The following BRIP1 variants were observed in gnomAD, a reference collection of about 807,000 sequenced individuals.
BRIP1 encodes Fanconi anemia group J protein.
In BRIP1, 88 loss-of-function variants were observed where a neutral mutation model predicts 119.7. The observed-to-expected ratio is 0.74, with a 90% CI of 0.62 to 0.88. The LOEUF is 0.88. BRIP1 is among the 40% of genes least tolerant of loss of function. BRIP1 has a pLI of 0.00. For missense variants in BRIP1, 1,259 were observed against 1,455.4 expected (o/e 0.87, Z 2.20); for synonymous variants, 443 against 496.5 (o/e 0.89, Z 1.43).
At chr17:61,716,213 AAT>A (rs1297684649) in intron 16 of BRIP1, 150 bp from the exon 17 acceptor site, 2 of 565,050 alleles carry the variant, frequency 3.5e-6, no homozygotes, top group African/African-American at 1.9e-5. Flanking sequence ...TTTCATTTAA[AAT>A]AGTTTTATTT....
rs1284440699 is a variant in BRIP1, at chr17:61,857,500, C to T, written c.206-269G>A. The stretch of plus-strand genomic sequence containing the variant: ...GCACTTTGGGAGGCCGAGGCAGGCA[C>T]ATCAATTGAAGTCAGGAGTTTGAGA... On this transcript the variant is annotated intron_variant, in intron 3 of 19. Coordinates refer to ENST00000259008, the MANE Select transcript of BRIP1 (RefSeq NM_032043.3). This position sits in a 1 kb window ranked among gnomAD's most constrained non-coding sequence, Gnocchi z 5.1. 6.6e-6 allele frequency among the ~76,000 whole-genome samples: 1 copy of T among 152,046 alleles called. No homozygotes were observed. Among genetic ancestry groups the T allele is most frequent in the African/African-American group, 2.4e-5 (1 of 41,390 alleles).
At chr17:61,783,600 T>G (rs1270208002) in intron 11 of BRIP1, among the ~76,000 whole-genome samples, 1 of 151,918 alleles carries the variant, frequency 6.6e-6, no homozygotes, top group East Asian at 1.9e-4. Flanking sequence ...CAGAACTAGG[T>G]ACTACTATAA....
At position 61,804,281 on chromosome 17, in the gene BRIP1, T is replaced by G. The variant is rs187844926; in HGVS notation, c.919-2807A>C. Among the ~76,000 whole-genome samples, 1,484 of 152,322 alleles carry G rather than the reference T, an allele frequency of 9.7e-3. 17 individuals are homozygous for G. The highest frequency in any genetic ancestry group is 0.032 in the African/African-American group (1,336 of 41,580). On this transcript the variant is annotated intron_variant, in intron 7 of 19. Transcript: ENST00000259008. This position sits in a 1 kb window ranked among gnomAD's most constrained non-coding sequence, Gnocchi z 4.5. The stretch of plus-strand genomic sequence containing the variant: ...ACTTTTATTTTAATTAATTCTACTA[T>G]TTATTTTAAAACGATTTTGAAATAA...
Position 61,770,169 on chromosome 17 carries a change from G to A in BRIP1, c.2097+6232C>T, listed in dbSNP as rs1036563972. On this transcript the variant is annotated intron_variant, in intron 14 of 19. Coordinates refer to ENST00000259008, the MANE Select transcript of BRIP1 (RefSeq NM_032043.3). This position sits in a 1 kb window ranked among gnomAD's most constrained non-coding sequence, Gnocchi z 4.7. ...TCTAATCTTATGATATGAATGAAGA[G>A]CTCAGAAACACTTGTGAAGGTCACA... 9.2e-5 allele frequency among the ~76,000 whole-genome samples: 14 copies of A among 152,176 alleles called. No individual in the cohort carries two copies. Among genetic ancestry groups the A allele is most frequent in the Non-Finnish European group, 1.2e-4 (8 of 68,030 alleles).
Position 61,823,561 on chromosome 17 carries a change from G to A in BRIP1, c.628-14804C>T, listed in dbSNP as rs1260700072. ...GGTAGACAAAATGAAGCACAAAGAA[G>A]AAAAAATAGCTTAAAAAATGAACAT... On this transcript the variant is annotated intron_variant, in intron 6 of 19. Transcript: ENST00000259008. The surrounding 1 kb of genome is among the most constrained non-coding windows in gnomAD (Gnocchi z 4.8). Among the ~76,000 whole-genome samples, 2 of 151,632 alleles carry A rather than the reference G, an allele frequency of 1.3e-5. No individual in the cohort carries two copies. Among genetic ancestry groups the A allele is most frequent in the Non-Finnish European group, 2.9e-5 (2 of 67,908 alleles).
chr17:61,719,875 C>A (rs917048450), intron 16 of BRIP1, among the ~76,000 whole-genome samples: 1 of 152,122 alleles, frequency 6.6e-6, no homozygotes, highest in African/African-American at 2.4e-5. Context: ...GTCCCCCAGA[C>A]TGGACGGCAG....
At chr17:61,785,828 G>A (rs1215692948) in intron 10 of BRIP1, among the ~76,000 whole-genome samples, 3 of 152,030 alleles carry the variant, frequency 2.0e-5, no homozygotes, top group South Asian at 4.1e-4. Context: ...GTGAGGCGCT[G>A]TACTAAAAAC....
In BRIP1 at chr17:61,790,799, A is replaced by T. The variant is rs146428341; in HGVS notation, c.1473+2798T>A. On this transcript the variant is annotated intron_variant, in intron 10 of 19. Transcript: ENST00000259008. The stretch of plus-strand genomic sequence containing the variant: ...GGACTACAGCGCATGCCACCACACC[A>T]GCTAATTTTTTGTAGACAACAGGGT... Among the ~76,000 whole-genome samples, 346 of 151,750 alleles carry T rather than the reference A, an allele frequency of 2.3e-3. 2 individuals carry two copies. The highest frequency in any genetic ancestry group is 4.7e-3 in the Admixed American group (71 of 15,234).
rs769836967 is a variant in BRIP1 at position 61,798,490 on chromosome 17, G to A, written c.1340+610C>T. 1.3e-5 allele frequency among the ~76,000 whole-genome samples: 2 copies of A among 151,994 alleles called. No individual in the cohort carries two copies. Among genetic ancestry groups the A allele is most frequent in the African/African-American group, 2.4e-5 (1 of 41,426 alleles). ...TGTATACATTTTGTCTTCAAACCAT[G>A]TGACTGTGTAACATTCAAATTTTTT... On this transcript the variant is annotated intron_variant, in intron 9 of 19. Coordinates refer to ENST00000259008, the MANE Select transcript of BRIP1 (RefSeq NM_032043.3). The surrounding 1 kb of genome is among the most constrained non-coding windows in gnomAD (Gnocchi z 5.5).
At chr17:61,849,362 T>C (rs2078784209) in intron 4 of BRIP1, 106 bp from the exon 5 acceptor site, 1 of 917,860 alleles carries the variant, frequency 1.1e-6, no homozygotes, top group Admixed American at 2.5e-5. Flanking sequence ...AGAAATTTCA[T>C]ACCATAATCT....
rs1398062977 is a variant in BRIP1, at chr17:61,846,188, AAAATT to A, written c.627+908_627+912del. ...ACAGAGCGATACTCCGTCTCAAAAA[AAAATT>A]AAAATAAATAAATTTAAAAAATTAT... is the stretch of plus-strand genomic sequence containing the variant. On this transcript the variant is annotated intron_variant, in intron 6 of 19. Coordinates refer to ENST00000259008, the MANE Select transcript of BRIP1 (RefSeq NM_032043.3). This position sits in a 1 kb window ranked among gnomAD's most constrained non-coding sequence, Gnocchi z 4.3. 3.3e-5 allele frequency among the ~76,000 whole-genome samples: 5 copies of A among 151,838 alleles called. No homozygotes were observed. Among genetic ancestry groups the A allele is most frequent in the Non-Finnish European group, 7.4e-5 (5 of 67,974 alleles).
intron 6 of BRIP1, among the ~76,000 whole-genome samples, chr17:61,837,244 C>A (rs1424822894): frequency 2.6e-5 from 4 of 151,754 alleles, no homozygotes; most frequent in Non-Finnish European, 4.4e-5. Context: ...CATATATATG[C>A]AGTTATGTTA....
rs3034667 is a variant in BRIP1, at chr17:61,825,622, C to CAAATAAATAAAT, written c.628-16877_628-16866dup. 3.0e-4 allele frequency among the ~76,000 whole-genome samples: 43 copies of CAAATAAATAAAT among 143,404 alleles called. No homozygotes were observed. The highest frequency in any genetic ancestry group is 9.0e-4 in the South Asian group (4 of 4,446). The allele number at this position is 143,404 out of a possible 152,430, so 94.1% of individuals were successfully genotyped here. ...AATGCAATCCCATTCACAATTGCCA[C>CAAATAAATAAAT]AAATAAATAAATAAATAAATAAATA... On this transcript the variant is annotated intron_variant, in intron 6 of 19. Coordinates refer to ENST00000259008, the MANE Select transcript of BRIP1 (RefSeq NM_032043.3). This position sits in a 1 kb window ranked among gnomAD's most constrained non-coding sequence, Gnocchi z 4.1.
rs371160215 is a variant in BRIP1, at chr17:61,823,796, A to ACACACACACACC, written c.628-15040_628-15039insGGTGTGTGTGTG. Among the ~76,000 whole-genome samples the ACACACACACACC allele has an allele frequency of 8.1e-5, 12 of 148,936 alleles. No individual in the cohort carries two copies. Among genetic ancestry groups the ACACACACACACC allele is most frequent in the African/African-American group, 2.5e-4 (10 of 40,028 alleles). On this transcript the variant is annotated intron_variant, in intron 6 of 19. Transcript: ENST00000259008. The surrounding 1 kb of genome is among the most constrained non-coding windows in gnomAD (Gnocchi z 4.8). ...CACACACACACACACACACACACAC[A>ACACACACACACC]CCTTAGTTGAATTGCTGAAAGCAGA...
Position 61,734,565 on chromosome 17 carries a change from G to A in BRIP1, c.2379+8448C>T, listed in dbSNP as rs1190563944. Among the ~76,000 whole-genome samples, 1 of 152,092 alleles carries A rather than the reference G, an allele frequency of 6.6e-6. No homozygotes were observed. The highest frequency in any genetic ancestry group is 1.5e-5 in the Non-Finnish European group (1 of 68,004). On this transcript the variant is annotated intron_variant, in intron 16 of 19. Coordinates refer to ENST00000259008, the MANE Select transcript of BRIP1 (RefSeq NM_032043.3). This position sits in a 1 kb window ranked among gnomAD's most constrained non-coding sequence, Gnocchi z 5.2. ...CTTTATTTTCAGGTCCCTCAGGTATGTGCAATAAATTATGACTTGAACTAA... is the reference window on the plus strand; with the variant it reads ...CTTTATTTTCAGGTCCCTCAGGTATATGCAATAAATTATGACTTGAACTAA...
intron 6 of BRIP1, among the ~76,000 whole-genome samples, chr17:61,838,760 A>G (rs1410366548): frequency 6.6e-6 from 1 of 151,672 alleles, no homozygotes; most frequent in Non-Finnish European, 1.5e-5. Context: ...CTGAAGAAAA[A>G]AGCAAAAATA....
In BRIP1 at chr17:61,753,837, C is replaced by CA. The variant is rs2077166265; in HGVS notation, c.2098-9247dup. On this transcript the variant is annotated intron_variant, in intron 14 of 19. Coordinates refer to ENST00000259008, the MANE Select transcript of BRIP1 (RefSeq NM_032043.3). The surrounding 1 kb of genome is among the most constrained non-coding windows in gnomAD (Gnocchi z 4.6). Reference sequence around the variant, plus strand: ...CTTGCTGTGTTGCCAAGGCTGGTCTCAAACTCCTGGACTCAAGCACTCCTC... The same window carrying CA: ...CTTGCTGTGTTGCCAAGGCTGGTCTCAAAACTCCTGGACTCAAGCACTCCTC... Among the ~76,000 whole-genome samples, 1 of 152,120 alleles carries CA rather than the reference C, an allele frequency of 6.6e-6. No individual in the cohort carries two copies. Among genetic ancestry groups the CA allele is most frequent in the Non-Finnish European group, 1.5e-5 (1 of 68,014 alleles).
rs2144502320 is a variant in BRIP1, at chr17:61,724,125, C to A, written c.2380-8062G>T. Among the ~76,000 whole-genome samples the A allele has an allele frequency of 6.6e-6, 1 of 152,136 alleles. No individual in the cohort carries two copies. The highest frequency in any genetic ancestry group is 2.1e-4 in the South Asian group (1 of 4,822). ...TAGACAAATAAATATATATCTGCAT[C>A]AAAATCTAACCTAACTGACATAAGT... On this transcript the variant is annotated intron_variant, in intron 16 of 19. Transcript: ENST00000259008. The surrounding 1 kb of genome is among the most constrained non-coding windows in gnomAD (Gnocchi z 5.1).
At position 61,861,599 on chromosome 17, in the gene BRIP1, G is replaced by T; in HGVS notation, c.-30-30C>A. On this transcript the variant is annotated intron_variant, in intron 1 of 19. Coordinates refer to ENST00000259008, the MANE Select transcript of BRIP1 (RefSeq NM_032043.3). The surrounding 1 kb of genome is among the most constrained non-coding windows in gnomAD (Gnocchi z 4.5). Reference sequence around the variant, plus strand: ...AACAGAAATGAAAATGTCAAATATTGAGACACGCCTTACAAAGAAAACCAG... The same window carrying T: ...AACAGAAATGAAAATGTCAAATATTTAGACACGCCTTACAAAGAAAACCAG... 7.9e-7 allele frequency: 1 copy of T among 1,261,634 alleles called. No homozygotes were observed. The allele number at this position is 1,261,634 out of a possible 1,614,324, so 78.2% of individuals were successfully genotyped here.
Sources: allele counts gnomAD v4.1 joint callset (sites outside exome capture counted in the v4.1 genomes callset), GRCh38; gene constraint gnomAD v4.1.1; non-coding constraint Gnocchi (gnomAD v3.1); transcripts MANE v1.5; gene names NCBI Gene and HGNC (gene_info 2026-07-23, HGNC 2026-07-21).